The following RTL1 variants were observed in gnomAD, a reference collection of about 807,000 sequenced individuals.
RTL1 encodes retrotransposon-like protein 1.
For missense variants in RTL1, 1,681 were observed against 1,767.5 expected (o/e 0.95, Z 0.88); for synonymous variants, 727 against 748.4 (o/e 0.97, Z 0.47).
chr14:100,897,936 C>T (rs1219959345), intron 2 of RTL1: 2 of 515,722 alleles, frequency 3.9e-6, no homozygotes, highest in East Asian at 5.5e-5. Flanking sequence ...AATGATGAGA[C>T]AGTGTTTATG....
Position 100,893,224 on chromosome 14 carries a change from G to A in RTL1, c.-87+220C>T, listed in dbSNP as rs1275208779. Among the ~76,000 whole-genome samples, 1 of 152,190 alleles carries A rather than the reference G, an allele frequency of 6.6e-6. No individual in the cohort carries two copies. The highest frequency in any genetic ancestry group is 1.5e-5 in the Non-Finnish European group (1 of 68,044). On this transcript the variant is annotated intron_variant, in intron 3 of 3. Transcript: ENST00000649591. This position sits in a 1 kb window ranked among gnomAD's most constrained non-coding sequence, Gnocchi z 4.2. ...CTAGCTTATTTGGTGTTCGAGGAGG[G>A]ACAGGACAGCTGGCCCAGGACCTGC...
At chr14:100,886,925 T>C (rs1030973199) in intron 3 of RTL1, among the ~76,000 whole-genome samples, 5 of 152,230 alleles carry the variant, frequency 3.3e-5, no homozygotes, top group Admixed American at 2.6e-4. Flanking sequence ...AATTCGACCA[T>C]GTGAATGATT....
rs567818466 is a variant in RTL1 at position 100,879,808 on chromosome 14, C to T, written c.*904G>A. Among the ~76,000 whole-genome samples, 4 of 148,228 alleles carry T rather than the reference C, an allele frequency of 2.7e-5. No homozygotes were observed. Among genetic ancestry groups the T allele is most frequent in the South Asian group, 4.4e-4 (2 of 4,586 alleles). ...AAAAAGATTGGGGGGTGAGAAAGCT[C>T]GGGGGGTGGGGAAGGGTCTACTCCC... On this transcript the variant is annotated 3_prime_UTR_variant, in exon 4 of 4. Coordinates refer to ENST00000649591, the MANE Select transcript of RTL1 (RefSeq NM_001134888.3).
rs190644154 is a variant in RTL1, at chr14:100,882,047, C to T, written c.2742G>A (p.Glu914=). 2.5e-6 allele frequency: 4 copies of T among 1,612,894 alleles called. No individual in the cohort carries two copies. In the African/African-American group the frequency reaches 5.3e-5, roughly 21 times the overall value. ...AFYSRNISPI[E]VEYSQAEMKI... is the part of the protein sequence containing the mutation. ...TCATCTCCGCTTGAGAGTACTCAAC[C>T]TCGATAGGGGAGATGTTGCGGGAGT... The change falls in exon 4 of 4, where the codon GAG becomes GAA. Residue 914 remains glutamate (E), a synonymous_variant. Coordinates refer to ENST00000649591, the MANE Select transcript of RTL1 (RefSeq NM_001134888.3).
At chr14:100,889,932 T>C (rs7148443) in intron 3 of RTL1, among the ~76,000 whole-genome samples, 24,324 of 152,190 alleles carry the variant, frequency 0.16, 2,684 homozygotes, top group Middle Eastern at 0.34. Context: ...TGGCCTGCCA[T>C]AGCCTGGGCC....
Position 100,893,123 on chromosome 14 carries a change from C to T in RTL1, c.-87+321G>A, listed in dbSNP as rs991274893. Among the ~76,000 whole-genome samples the T allele has an allele frequency of 1.3e-5, 2 of 152,114 alleles. No homozygotes were observed. Among genetic ancestry groups the T allele is most frequent in the African/African-American group, 4.8e-5 (2 of 41,426 alleles). On this transcript the variant is annotated intron_variant, in intron 3 of 3. Transcript: ENST00000649591. This position sits in a 1 kb window ranked among gnomAD's most constrained non-coding sequence, Gnocchi z 4.2. ...GCCAGCCTCGTGGCCTGAGGGGCAT[C>T]CAGACCACAAGAGTGGGGGTCTCAG...
Position 100,884,541 on chromosome 14 carries a change from C to A in RTL1, c.248G>T (p.Gly83Val), listed in dbSNP as rs2038669996. Residue 83 changes from glycine to valine, a missense_variant, in exon 4 of 4, where the codon GGC (glycine) becomes GTC (valine). By Grantham distance (109) the Gly-to-Val change is moderately radical. Coordinates refer to ENST00000649591, the MANE Select transcript of RTL1 (RefSeq NM_001134888.3). ...TGGATCCTCTATTTCCTTACGTGGGCCACTGGATGGCTCCTCCATGTCTTG... is the reference window on the plus strand; with the variant it reads ...TGGATCCTCTATTTCCTTACGTGGGACACTGGATGGCTCCTCCATGTCTTG... ...LLQDMEEPSS[G>V]PRKEIEDPPN... is the part of the protein sequence containing the mutation. The A allele has an allele frequency of 6.2e-7, 1 of 1,613,290 alleles. No individual in the cohort carries two copies. The highest frequency in any genetic ancestry group is 8.5e-7 in the Non-Finnish European group (1 of 1,179,258).
At chr14:100,894,866 C>G (rs1288575755) in intron 2 of RTL1, 1 of 152,268 alleles carries the variant, frequency 6.6e-6, no homozygotes, top group Non-Finnish European at 1.5e-5. Flanking sequence ...GCCCTTCATT[C>G]TGCAGCTGAG....
chr14:100,890,720 A>G (rs1377188937), intron 3 of RTL1, among the ~76,000 whole-genome samples: 1 of 151,916 alleles, frequency 6.6e-6, no homozygotes, highest in East Asian at 1.9e-4. Flanking sequence ...GCCTCCTTGT[A>G]GGTGGTGCTC....
In RTL1 at chr14:100,880,138, GT is replaced by G. The variant is rs1313010768; in HGVS notation, c.*573del. Among the ~76,000 whole-genome samples the G allele has an allele frequency of 6.9e-5, 10 of 145,310 alleles. No individual in the cohort carries two copies. The South Asian group carries it at 1.1e-3, about 16-fold the overall frequency. On this transcript the variant is annotated 3_prime_UTR_variant, in exon 4 of 4. Coordinates refer to ENST00000649591, the MANE Select transcript of RTL1 (RefSeq NM_001134888.3). ...TGAAGCAGATGTGGTGGGGGTGGGG[GT>G]GGGTTTGCTTGCAGGGTGTGATGGG...
rs1167768227 is a variant in RTL1, at chr14:100,880,762, C to T, written c.4027G>A (p.Ala1343Thr). Residue 1343 changes from alanine (A) to threonine (T), a missense_variant, in exon 4 of 4, where the codon GCA becomes ACA. Transcript: ENST00000649591. ...TCATCAGGCAGCTCTTCTAGCCTTG[C>T]CTGCTCCCTGGGCTGGCTCTCCCAG... ...PAWESQPREQ[A>T]RLEELPDEDE... The T allele has an allele frequency of 1.3e-6, 2 of 1,550,888 alleles. No individual in the cohort carries two copies. The highest frequency in any genetic ancestry group is 3.9e-5 in the Admixed American group (2 of 51,002).
rs1261791890 is a variant in RTL1, at chr14:100,882,629, T to C, written c.2160A>G (p.Leu720=). ...GCACAAAGAACCCTAGCATGTCCTT[T>C]AGGATGAAGTGAATCACGTTCTGAG... ...IIPQNVIHFI[L]KDMLGFFVLS... The change falls in exon 4 of 4, where the codon CTA becomes CTG. Residue 720 remains leucine (L), a synonymous_variant. Coordinates refer to ENST00000649591, the MANE Select transcript of RTL1 (RefSeq NM_001134888.3). 1 of 1,551,720 alleles carries C rather than the reference T, an allele frequency of 6.4e-7. No homozygotes were observed. Among genetic ancestry groups the C allele is most frequent in the Admixed American group, 2.0e-5 (1 of 50,972 alleles).
chr14:100,881,241 T>G lies in RTL1; in HGVS notation c.3548A>C (p.His1183Pro). ...GCCAGGGGTGAACTGCAGGCCTCGG[T>G]GGGCCTGGGAGTGCAGAGCATTTCG... is the stretch of plus-strand genomic sequence containing the variant. ...WQRNALHSQA[H>P]RGLQFTPGFW... The change falls in exon 4 of 4, where the codon CAC becomes CCC. Residue 1183 changes from histidine (H) to proline (P), a missense_variant. By Grantham distance (77) the His-to-Pro change is moderately conservative (BLOSUM62 -2). Transcript: ENST00000649591. This position sits in a 1 kb window ranked among gnomAD's most constrained non-coding sequence, Gnocchi z 6.6. 6.5e-7 allele frequency: 1 copy of G among 1,548,336 alleles called. No homozygotes were observed. Among genetic ancestry groups the G allele is most frequent in the Non-Finnish European group, 8.7e-7 (1 of 1,145,682 alleles).
chr14:100,899,606 T>C (rs568617840), intron 2 of RTL1, among the ~76,000 whole-genome samples: 146 of 151,754 alleles, frequency 9.6e-4, no homozygotes, highest in African/African-American at 3.4e-3. Flanking sequence ...AAGGAGGCAT[T>C]GCAGGAAGCC....
chr14:100,881,005 T>A lies in RTL1; in HGVS notation c.3784A>T (p.Asn1262Tyr). The change falls in exon 4 of 4, where the codon AAC becomes TAC. Residue 1262 changes from asparagine (N) to tyrosine (Y), a missense_variant. Physicochemically the swap from Asn to Tyr is moderately radical, Grantham distance 143. Transcript: ENST00000649591. This position sits in a 1 kb window ranked among gnomAD's most constrained non-coding sequence, Gnocchi z 6.6. ...LQDTSQDKQD[N>Y]DVQEAPPSHT... ...CTGGGTGGGGCCTCCTGCACGTCGT[T>A]GTCCTGCTTGTCCTGCGAGGTGTCT... The A allele has an allele frequency of 1.3e-6, 2 of 1,577,094 alleles. No homozygotes were observed. Among genetic ancestry groups the A allele is most frequent in the Non-Finnish European group, 1.7e-6 (2 of 1,161,668 alleles).
chr14:100,882,964 C>A lies in RTL1; in HGVS notation c.1825G>T (p.Glu609Ter). 1.2e-6 allele frequency: 2 copies of A among 1,614,014 alleles called. No individual in the cohort carries two copies. The highest frequency in any genetic ancestry group is 1.7e-6 in the Non-Finnish European group (2 of 1,179,998). ...GDSDHSETFY[E>*]CPSTAPWEPV... ...TCCCAAGGCGCGGTGGAGGGACACT[C>A]GTAAAAGGTCTCGCTGTGATCACTG... The change falls in exon 4 of 4, where the codon GAG becomes TAG. Residue 609 changes from glutamate (E) to a stop codon, truncating the protein, a stop_gained. Transcript: ENST00000649591. LOFTEE classifies it low-confidence loss of function (END_TRUNC).
chr14:100,894,582 C>T (rs1463434502), intron 2 of RTL1: 1 of 152,358 alleles, frequency 6.6e-6, no homozygotes, highest in Non-Finnish European at 1.5e-5. Context: ...GTCCCATCTT[C>T]CCTCAGCACA....
rs748900327 is a variant in RTL1, at chr14:100,883,949, G to C, written c.840C>G (p.Tyr280Ter). 1 of 1,551,656 alleles carries C rather than the reference G, an allele frequency of 6.4e-7. No individual in the cohort carries two copies. Among genetic ancestry groups the C allele is most frequent in the South Asian group, 1.2e-5 (1 of 84,058 alleles). Residue 280 changes from tyrosine to a stop codon, truncating the protein, a stop_gained, in exon 4 of 4, where the codon TAC (tyrosine) becomes TAG (stop). Transcript: ENST00000649591. LOFTEE classifies it low-confidence loss of function (END_TRUNC). This position sits in a 1 kb window ranked among gnomAD's most constrained non-coding sequence, Gnocchi z 5.9. ...FLEAMSEVFE[Y>*]RQALRVAEEA... is the part of the protein sequence containing the mutation. ...CTTCTGCCACACGCAGTGCCTGGCG[G>C]TACTCAAACACTTCGGACATGGCCT...
chr14:100,884,419 C>G lies in RTL1; in HGVS notation c.370G>C (p.Ala124Pro). The change falls in exon 4 of 4, where the codon GCA becomes CCA. Residue 124 changes from alanine to proline, a missense_variant. Ala to Pro is a conservative substitution (Grantham distance 27). Transcript: ENST00000649591. Reference sequence around the variant, plus strand: ...CGGGCTCCCGATGGGTTGACTGATGCTTCTTTCATCCTATCAGATGCTCCA... The same window carrying G: ...CGGGCTCCCGATGGGTTGACTGATGGTTCTTTCATCCTATCAGATGCTCCA... The part of the protein sequence containing the change: ...LSGASDRMKE[A>P]SVNPSGAREE... The G allele has an allele frequency of 3.1e-6, 5 of 1,612,308 alleles. No homozygotes were observed. Among genetic ancestry groups the G allele is most frequent in the South Asian group, 1.1e-5 (1 of 90,478 alleles).
Sources: allele counts gnomAD v4.1 joint callset (sites outside exome capture counted in the v4.1 genomes callset), GRCh38; gene constraint gnomAD v4.1.1; non-coding constraint Gnocchi (gnomAD v3.1); transcripts MANE v1.5; gene names NCBI Gene and HGNC (gene_info 2026-07-23, HGNC 2026-07-21).